Variants in SFXN5 observed in about 807,000 individuals in gnomAD.
SFXN5 encodes sideroflexin-5.
A neutral mutation model predicts 50.2 loss-of-function variants in SFXN5; 43 were observed. The observed-to-expected ratio is 0.86, with a 90% confidence interval of 0.67 to 1.11. The LOEUF is 1.11. Ranked by LOEUF, SFXN5 falls within the 50% of genes least tolerant of loss-of-function variation. The probability of loss-of-function intolerance (pLI) is 0.00; values close to 1 mark genes in which losing one functional copy is unlikely to be tolerated. For synonymous variants in SFXN5, 203 were observed against 185.8 expected, an observed-to-expected ratio of 1.09 and a Z score of -0.75; for missense variants, 463 against 454.1, an observed-to-expected ratio of 1.02 and a Z score of -0.18.
intron 3 of SFXN5, among the ~76,000 whole-genome samples, chr2:73,033,873 G>T (rs1314596581): frequency 1.3e-5 from 2 of 152,186 alleles, no homozygotes; most frequent in Non-Finnish European, 2.9e-5. Context: ...GTCATGACTG[G>T]GGAGGGGAAG....
intron 1 of SFXN5, among the ~76,000 whole-genome samples, chr2:73,060,926 C>A (rs2106045790): frequency 6.6e-6 from 1 of 152,030 alleles, no homozygotes; most frequent in African/African-American, 2.4e-5. Flanking sequence ...TGGTCTCGAT[C>A]TCCTGACCTC....
intron 13 of SFXN5, among the ~76,000 whole-genome samples, chr2:72,948,324 T>C (rs1672172619): frequency 6.6e-6 from 1 of 152,228 alleles, no homozygotes; most frequent in African/African-American, 2.4e-5. Context: ...AAATGATGCA[T>C]AGATATCACG....
intron 10 of SFXN5, among the ~76,000 whole-genome samples, chr2:72,984,416 G>A (rs1227982014): frequency 6.6e-6 from 1 of 152,254 alleles, no homozygotes; most frequent in Non-Finnish European, 1.5e-5. Context: ...AGGACACCGC[G>A]TAGCCTTGGC....
intron 3 of SFXN5, among the ~76,000 whole-genome samples, chr2:73,033,616 G>T (rs1052545023): frequency 3.3e-5 from 5 of 152,210 alleles, no homozygotes. Context: ...AGGCAGAAGT[G>T]GGCCTGTCTG....
chr2:72,994,058 A>T (rs963852213), intron 9 of SFXN5, among the ~76,000 whole-genome samples: 1 of 152,110 alleles, frequency 6.6e-6, no homozygotes, highest in African/African-American at 2.4e-5. Flanking sequence ...TCCAACCTAG[A>T]AGCTGAGAAC....
intron 10 of SFXN5, among the ~76,000 whole-genome samples, chr2:72,976,874 A>G (rs1410282388): frequency 2.0e-5 from 3 of 152,250 alleles, no homozygotes; most frequent in Admixed American, 6.5e-5. Context: ...GGAAAGTGAT[A>G]TTTATTACAT....
At chr2:72,980,565 T>C (rs188213771) in intron 10 of SFXN5, among the ~76,000 whole-genome samples, 2 of 152,294 alleles carry the variant, frequency 1.3e-5, no homozygotes, top group Non-Finnish European at 1.5e-5. Flanking sequence ...ACAACCCATA[T>C]TGAAGTGTCA....
chr2:72,993,812 G>A (rs1161099697), intron 9 of SFXN5, among the ~76,000 whole-genome samples: 1 of 152,158 alleles, frequency 6.6e-6, no homozygotes, highest in African/African-American at 2.4e-5. Flanking sequence ...CCACCACAGA[G>A]CCAGCCAGGC....
rs530675547 is a variant in SFXN5, at chr2:72,950,089, T to G, written c.946-4990A>C. Among the ~76,000 whole-genome samples the G allele has an allele frequency of 1.1e-4, 16 of 147,950 alleles. No homozygotes were observed. Among genetic ancestry groups the G allele is most frequent in the Non-Finnish European group, 1.8e-4 (12 of 67,012 alleles). On this transcript the variant is annotated intron_variant, in intron 13 of 13. Transcript: ENST00000272433. This position sits in a 1 kb window ranked among gnomAD's most constrained non-coding sequence, Gnocchi z 4.2. ...GTGAGCATAGCCAGATCCTTCAGAGTGGAGGAGCTCGCCCAGGGAAGCAGA... is the reference window on the plus strand; with the variant it reads ...GTGAGCATAGCCAGATCCTTCAGAGGGGAGGAGCTCGCCCAGGGAAGCAGA...
At chr2:73,052,532 T>C (rs1681503272) in intron 2 of SFXN5, among the ~76,000 whole-genome samples, 1 of 152,178 alleles carries the variant, frequency 6.6e-6, no homozygotes, top group Non-Finnish European at 1.5e-5. Flanking sequence ...TATTCTATCC[T>C]ATAATATACC....
Position 73,013,313 on chromosome 2 carries a change from A to G in SFXN5, c.357+6926T>C, listed in dbSNP as rs557145777. On this transcript the variant is annotated intron_variant, in intron 6 of 13. Transcript: ENST00000272433. ...ATGACTCTGACATAAAGGTACAGGCAATGATATATAATGCAAGTCATTTAA... is the reference window on the plus strand; with the variant it reads ...ATGACTCTGACATAAAGGTACAGGCGATGATATATAATGCAAGTCATTTAA... 3.3e-5 allele frequency among the ~76,000 whole-genome samples: 5 copies of G among 152,302 alleles called. No individual in the cohort carries two copies. The East Asian group carries it at 9.6e-4, about 29-fold the overall frequency.
At chr2:73,019,876 T>C in intron 6 of SFXN5, 1 of 192,652 alleles carries the variant, frequency 5.2e-6, no homozygotes, top group Admixed American at 5.9e-5. Flanking sequence ...TCTTTCTGAA[T>C]TAATTTTAAA....
intron 3 of SFXN5, among the ~76,000 whole-genome samples, chr2:73,033,987 G>C (rs1056533341): frequency 6.6e-6 from 1 of 152,186 alleles, no homozygotes; most frequent in African/African-American, 2.4e-5. Context: ...TGCCAATCGT[G>C]CCAAGTCTGA....
chr2:73,049,939 A>G (rs563299999), intron 2 of SFXN5: 1 of 151,782 alleles, frequency 6.6e-6, no homozygotes, highest in East Asian at 1.9e-4. Context: ...GACAGGCACA[A>G]GACGAATATT....
chr2:72,991,813 G>A (rs1672639565), intron 9 of SFXN5, among the ~76,000 whole-genome samples: 1 of 152,222 alleles, frequency 6.6e-6, no homozygotes, highest in Admixed American at 6.5e-5. Flanking sequence ...ATGGCACACA[G>A]CTCATCACAA....
In SFXN5 at chr2:72,994,218, C is replaced by T. The variant is rs1347715884; in HGVS notation, c.534+4731G>A. On this transcript the variant is annotated intron_variant, in intron 9 of 13. Coordinates refer to ENST00000272433, the MANE Select transcript of SFXN5 (RefSeq NM_144579.3). ...TCCTCGTCTGTAAAATGAGGATGAACACCTAAACAATGCCTGGCGTGCTGT... is the reference window on the plus strand; with the variant it reads ...TCCTCGTCTGTAAAATGAGGATGAATACCTAAACAATGCCTGGCGTGCTGT... Among the ~76,000 whole-genome samples, 4 of 152,176 alleles carry T rather than the reference C, an allele frequency of 2.6e-5. No individual in the cohort carries two copies. The East Asian group carries it at 7.7e-4, about 29-fold the overall frequency.
chr2:72,961,539 C>G lies in SFXN5; in HGVS notation c.828-291G>C, dbSNP rs150671541. ...GTACTTTCGGGGCACCCACCCGCCA[C>G]GCGTCCAGCCCCGTGCCAAGAAGGC... is the stretch of plus-strand genomic sequence containing the variant. On this transcript the variant is annotated intron_variant, in intron 12 of 13. Coordinates refer to ENST00000272433, the MANE Select transcript of SFXN5 (RefSeq NM_144579.3). The surrounding 1 kb of genome is among the most constrained non-coding windows in gnomAD (Gnocchi z 4.4). Among the ~76,000 whole-genome samples the G allele has an allele frequency of 6.6e-6, 1 of 152,314 alleles. No homozygotes were observed. Among genetic ancestry groups the G allele is most frequent in the East Asian group, 1.9e-4 (1 of 5,174 alleles).
intron 2 of SFXN5, among the ~76,000 whole-genome samples, chr2:73,051,256 A>ATTTTT (rs1160914961): frequency 2.5e-4 from 15 of 58,940 alleles, no homozygotes; most frequent in South Asian, 5.5e-4. Context: ...TTTTTCCAGC[A>ATTTTT]CTTTTTTTTT....
At position 73,040,866 on chromosome 2, in the gene SFXN5, G is replaced by T; in HGVS notation, c.237C>A (p.Val79=). The T allele has an allele frequency of 6.2e-7, 1 of 1,611,860 alleles. No individual in the cohort carries two copies. Among genetic ancestry groups the T allele is most frequent in the South Asian group, 1.1e-5 (1 of 90,448 alleles). ...DYKHGTLRPG[V]TNEQLWSAQK... The stretch of plus-strand genomic sequence containing the variant: ...CCCACAGAGTTACCTGTTCATTGGT[G>T]ACCCCCGGGCGCAGGGTCCCATGCT... The change falls in exon 3 of 14, where the codon GTC becomes GTA. Residue 79 remains valine (V), a synonymous_variant. Coordinates refer to ENST00000272433, the MANE Select transcript of SFXN5 (RefSeq NM_144579.3).
Sources: gnomAD v4.1 joint callset for allele counts (sites outside exome capture counted in the v4.1 genomes callset) on GRCh38, gnomAD v4.1.1 for gene constraint, Gnocchi (gnomAD v3.1) non-coding constraint, MANE v1.5 for transcripts, NCBI Gene and HGNC (gene_info 2026-07-23, HGNC 2026-07-21) for gene names.